CD99: variants seen among roughly 807,000 people sequenced by gnomAD.
CD99 encodes the protein CD99 antigen.
A neutral mutation model predicts 28.4 loss-of-function variants in CD99; 19 were observed. The observed-to-expected ratio is 0.67, with a 90% CI of 0.47 to 0.98. The LOEUF is 0.98. Ranked by LOEUF, CD99 falls within the 50% of genes least tolerant of loss-of-function variation. The pLI is 0.00. For missense variants in CD99, 283 were observed against 248.8 expected (o/e 1.14, Z -0.92); for synonymous variants, 103 against 92.1 (o/e 1.12, Z -0.67).
At chrX:2,712,866 C>G (rs1270945714) in intron 1 of CD99, among the ~76,000 whole-genome samples, 1 of 152,128 alleles carries the variant, frequency 6.6e-6, no homozygotes, top group Non-Finnish European at 1.5e-5. Context: ...CTCACCTACC[C>G]ATACACACAC....
intron 2 of CD99, among the ~76,000 whole-genome samples, chrX:2,716,178 C>G (rs1452793225): frequency 1.3e-5 from 2 of 152,030 alleles, no homozygotes; most frequent in Non-Finnish European, 2.9e-5. Flanking sequence ...ACCACCATGC[C>G]TAGCTAGTTT....
intron 3 of CD99, chrX:2,718,034 C>T (rs7050284): frequency 0.65 from 119,602 of 184,204 alleles, 39,956 homozygotes; most frequent in Non-Finnish European, 0.74. Context: ...CTCCACCTCC[C>T]GGGTTCAGTG....
chrX:2,740,835 G>A lies in CD99; in HGVS notation c.*31G>A. ...TGTCGGCAGAAACAGCCCAGGCGTT[G>A]GCAGCAGGGTTAGAACAGCTGCCTG... On this transcript the variant is annotated 3_prime_UTR_variant, in exon 10 of 10. Coordinates refer to ENST00000381192, the MANE Select transcript of CD99 (RefSeq NM_002414.5). 1 of 1,613,710 alleles carries A rather than the reference G, an allele frequency of 6.2e-7. No homozygotes were observed. Among genetic ancestry groups the A allele is most frequent in the Non-Finnish European group, 8.5e-7 (1 of 1,179,626 alleles).
rs931457272 is a variant in CD99, at chrX:2,727,420, C to T, written c.475+1047C>T. The T allele has an allele frequency of 2.9e-4, 216 of 747,280 alleles. 1 individual carries two copies. Among genetic ancestry groups the T allele is most frequent in the Admixed American group, 3.4e-4 (18 of 53,382 alleles). 46.3% of individuals were successfully genotyped at this position (747,280 alleles called of 1,614,324 possible). A position where few individuals can be genotyped will look rare whatever the true frequency, so the allele number is the denominator to read the frequency against. On this transcript the variant is annotated intron_variant, in intron 8 of 9. Coordinates refer to ENST00000381192, the MANE Select transcript of CD99 (RefSeq NM_002414.5). ...CACTTACATTTAGCTCTTGCCTTCC[C>T]TCTTGCATGACCAAGCATTGTGGTT...
chrX:2,700,876 T>C (rs1400222473), intron 1 of CD99, among the ~76,000 whole-genome samples: 3 of 151,358 alleles, frequency 2.0e-5, no homozygotes, highest in Non-Finnish European at 4.4e-5. Flanking sequence ...CATCTATCCA[T>C]CCATCCACCT....
At chrX:2,701,110 C>A (rs1204278125) in intron 1 of CD99, among the ~76,000 whole-genome samples, 1 of 151,768 alleles carries the variant, frequency 6.6e-6, no homozygotes, top group African/African-American at 2.4e-5. Flanking sequence ...CATCCCCTTA[C>A]TGCCCATCTT....
chrX:2,710,308 G>A (rs1361108818), intron 1 of CD99, among the ~76,000 whole-genome samples: 3 of 152,238 alleles, frequency 2.0e-5, no homozygotes, highest in East Asian at 1.9e-4. Flanking sequence ...GAAACCTTCC[G>A]AGTCTCGTAC....
At chrX:2,716,260 G>A (rs1308401620) in intron 2 of CD99, among the ~76,000 whole-genome samples, 3 of 152,048 alleles carry the variant, frequency 2.0e-5, no homozygotes, top group African/African-American at 7.2e-5. Flanking sequence ...CTTGTGATCT[G>A]CCCGCCTTGG....
At chrX:2,699,350 A>G (rs2047732813) in intron 1 of CD99, among the ~76,000 whole-genome samples, 1 of 151,138 alleles carries the variant, frequency 6.6e-6, no homozygotes, top group Non-Finnish European at 1.5e-5. Flanking sequence ...TTGTATTTTT[A>G]GTAGAGACGG....
chrX:2,698,194 T>C (rs1393911666), intron 1 of CD99, among the ~76,000 whole-genome samples: 1 of 151,432 alleles, frequency 6.6e-6, no homozygotes, highest in African/African-American at 2.4e-5. Context: ...TCTTTTTTTT[T>C]TTTTTTTTAG....
chrX:2,720,489 C>T, intron 5 of CD99, 65 bp downstream of exon 5: 2 of 1,487,632 alleles, frequency 1.3e-6, no homozygotes, highest in Non-Finnish European at 1.9e-6. Context: ...TTTATGTCAG[C>T]TGAGAGGAGG....
intron 1 of CD99, among the ~76,000 whole-genome samples, chrX:2,706,586 A>G (rs763748823): frequency 9.2e-5 from 14 of 152,196 alleles, no homozygotes; most frequent in African/African-American, 3.4e-4. Context: ...CCCTGGGGTG[A>G]TGCTGGGGCT....
At chrX:2,740,579 A>AT (rs34093066) in intron 9 of CD99, among the ~76,000 whole-genome samples, 200 bp from the exon 10 acceptor site, 20,404 of 150,660 alleles carry the variant, frequency 0.14, 1,483 homozygotes, top group Admixed American at 0.17. Flanking sequence ...TGCAGCATCC[A>AT]TTTTTTTTAA....
At chrX:2,738,372 T>C in intron 9 of CD99, 116 bp downstream of exon 9, 2 of 943,944 alleles carry the variant, frequency 2.1e-6, no homozygotes, top group African/African-American at 1.6e-5. Context: ...TGCATGGCTT[T>C]GAATGTCTTC....
chrX:2,717,824 G>A, intron 3 of CD99, 172 bp downstream of exon 3: 1 of 621,136 alleles, frequency 1.6e-6, no homozygotes, highest in East Asian at 2.8e-5. Flanking sequence ...TTCATGTAGT[G>A]ATTCCAGTAA....
chrX:2,718,163 A>G (rs1232757637), intron 3 of CD99: 3 of 157,680 alleles, frequency 1.9e-5, no homozygotes, highest in African/African-American at 4.9e-5. Context: ...CTGGTCTTGA[A>G]CTCCTGACTT....
rs772134642 is a variant in CD99, at chrX:2,727,246, A to G, written c.475+873A>G. On this transcript the variant is annotated intron_variant, in intron 8 of 9. Coordinates refer to ENST00000381192, the MANE Select transcript of CD99 (RefSeq NM_002414.5). ...GTTTCTTGGATCGGGACTAAAATTT[A>G]CAGGGGAATTAGGAGGAGGACGTAC... 1.0e-5 allele frequency: 8 copies of G among 768,500 alleles called. No individual in the cohort carries two copies. The South Asian group carries it at 1.1e-4, about 11-fold the overall frequency. The allele number at this position is 768,500 out of a possible 1,614,324, so 47.6% of individuals were successfully genotyped here. A position where few individuals can be genotyped will look rare whatever the true frequency, so the allele number is the denominator to read the frequency against.
intron 1 of CD99, chrX:2,691,901 G>T (rs768967115): frequency 2.6e-6 from 2 of 779,322 alleles, no homozygotes; most frequent in East Asian, 2.4e-5. Context: ...CCTGAGACCC[G>T]GGTGGTGGGG....
At chrX:2,699,428 AAAGTGCTGGGATTACAG>A (rs2047738856) in intron 1 of CD99, among the ~76,000 whole-genome samples, 1 of 149,430 alleles carries the variant, frequency 6.7e-6, no homozygotes, top group South Asian at 2.1e-4. Flanking sequence ...TCGGCTTCCC[AAAGTGCTGGGATTACAG>A]GTGTGAGCCA....
Sources: allele counts gnomAD v4.1 joint callset (sites outside exome capture counted in the v4.1 genomes callset), GRCh38; gene constraint gnomAD v4.1.1; transcripts MANE v1.5; gene names NCBI Gene and HGNC (gene_info 2026-07-23, HGNC 2026-07-21).